The following METTL6 variants were observed in gnomAD, a reference collection of about 807,000 sequenced individuals.
METTL6 encodes methyltransferase 6, tRNA N3-cytidine, also known as tRNA N(3)-cytidine methyltransferase METTL6.
METTL6 carries 22 observed loss-of-function variants against 26.4 expected under a neutral mutation model. That is an observed-to-expected ratio of 0.83 (90% CI 0.59 to 1.19). The LOEUF (loss-of-function observed/expected upper bound fraction) is 1.19, where lower values mean the gene tolerates loss of function less well. Among genes scored for constraint, METTL6 ranks in the 50% most tolerant of loss-of-function variants. METTL6 has a pLI of 0.00. For missense variants in METTL6, 304 were observed against 324.8 expected (o/e 0.94, Z 0.49); for synonymous variants, 109 against 116.2 (o/e 0.94, Z 0.40).
At chr3:15,414,505 G>A (rs1008533773) in intron 4 of METTL6, 2 of 310,048 alleles carry the variant, frequency 6.5e-6, no homozygotes, top group Non-Finnish European at 1.1e-5. Context: ...ATAGGTGCCC[G>A]CCACCATGCC....
In METTL6 at chr3:15,415,880, A is replaced by G. The variant is rs1277223780; in HGVS notation, c.423T>C (p.Asp141=). The change falls in exon 4 of 6, where the codon GAT becomes GAC. Residue 141 remains aspartate, a synonymous_variant. Coordinates refer to ENST00000383790, the MANE Select transcript of METTL6 (RefSeq NM_152396.4). ...KVFQCDLTKD[D]LLDHVPPESV... ...ACTCTGGCGGTACATGATCCAGAAG[A>G]TCATCTTTAGTCAGATCACACTGGA... 1 of 1,614,182 alleles carries G rather than the reference A, an allele frequency of 6.2e-7. No homozygotes were observed. Among genetic ancestry groups the G allele is most frequent in the Admixed American group, 1.7e-5 (1 of 60,014 alleles).
In METTL6 at chr3:15,402,756, G is replaced by GAA. The variant is rs796595234; in HGVS notation, c.*11+8487_*11+8488dup. Among the ~76,000 whole-genome samples the GAA allele has an allele frequency of 4.0e-3, 524 of 131,148 alleles. 7 individuals are homozygous for GAA. The highest frequency in any genetic ancestry group is 0.014 in the African/African-American group (493 of 35,594). The allele number at this position is 131,148 out of a possible 152,430, so 86.0% of individuals were successfully genotyped here. ...ATCTCAAAAAAAAAAAAAAGAAAAA[G>GAA]AAAAAAAAAAAGAAATGCAAAAACC... On this transcript the variant is annotated intron_variant, in intron 6 of 6. Transcript: ENST00000443029.
chr3:15,426,405 T>C lies in METTL6; in HGVS notation c.107A>G (p.Lys36Arg). ...QTLVSDFKQQ[K>R]LEQEAQKNWD... ...ATTTTTCTGAGCCTCTTGTTCCAAT[T>C]TCTGCTGTTTAAAATCAGACACCAA... Residue 36 changes from lysine (K) to arginine (R), a missense_variant, in exon 2 of 6, where the codon AAA becomes AGA. Transcript: ENST00000383790. 6 of 1,614,252 alleles carry C rather than the reference T, an allele frequency of 3.7e-6. No individual in the cohort carries two copies. The highest frequency in any genetic ancestry group is 5.1e-6 in the Non-Finnish European group (6 of 1,180,044).
intron 6 of METTL6, among the ~76,000 whole-genome samples, chr3:15,389,772 C>T (rs1699293073): frequency 6.6e-6 from 1 of 151,456 alleles, no homozygotes; most frequent in South Asian, 2.1e-4. Flanking sequence ...TGGTCTCAAA[C>T]TCCCGACCTC....
In METTL6 at chr3:15,411,421, G is replaced by C. The variant is rs754469790; in HGVS notation, c.690C>G (p.Leu230=). The part of the protein sequence containing the change: ...YFFTDDFLAQ[L]FMDTGYEEVV... ...CTTCTTCATAACCTGTGTCCATAAA[G>C]AGCTGAGCCAGGAAGTCTGTAAGAC... Residue 230 remains leucine (L), a synonymous_variant, in exon 6 of 6, where the codon CTC becomes CTG. Coordinates refer to ENST00000383790, the MANE Select transcript of METTL6 (RefSeq NM_152396.4). The C allele has an allele frequency of 1.9e-6, 3 of 1,613,706 alleles. No individual in the cohort carries two copies. Among genetic ancestry groups the C allele is most frequent in the South Asian group, 1.1e-5 (1 of 91,048 alleles).
At chr3:15,408,032 T>C (rs1239563927), downstream of METTL6, among the ~76,000 whole-genome samples, 1 of 151,840 alleles carries the variant, frequency 6.6e-6, no homozygotes, top group African/African-American at 2.4e-5. Context: ...GATAAGATTA[T>C]TTTCCTGGCC....
chr3:15,392,951 T>C (rs944087404), intron 6 of METTL6, among the ~76,000 whole-genome samples: 1 of 151,880 alleles, frequency 6.6e-6, no homozygotes, highest in East Asian at 1.9e-4. Context: ...GCTTTGTTCT[T>C]TTGGCTTAGG....
chr3:15,413,169 T>C (rs538619155), intron 5 of METTL6, among the ~76,000 whole-genome samples: 1 of 152,282 alleles, frequency 6.6e-6, no homozygotes, highest in South Asian at 2.1e-4. Flanking sequence ...CACTTGAGCC[T>C]GGGTGGTGGG....
chr3:15,426,351 G>A lies in METTL6; in HGVS notation c.161C>T (p.Thr54Ile), dbSNP rs61734701. The change falls in exon 2 of 6, where the codon ACT (threonine) becomes ATT (isoleucine). Residue 54 changes from threonine (T) to isoleucine (I), a missense_variant. Physicochemically the swap from Thr to Ile is moderately conservative, Grantham distance 89. Coordinates refer to ENST00000383790, the MANE Select transcript of METTL6 (RefSeq NM_152396.4). The part of the protein sequence containing the change: ...NWDLFYKRNS[T>I]NFFKDRHWTT... ...CCAGTGTCTGTCTTTGAAGAAATTA[G>A]TGCTATTTCTTTTGTAAAAAAGATC... 192 of 1,614,170 alleles carry A rather than the reference G, an allele frequency of 1.2e-4. No homozygotes were observed. The African/African-American group carries it at 2.4e-3, about 20-fold the overall frequency.
chr3:15,414,708 G>T, intron 4 of METTL6: 3 of 352,242 alleles, frequency 8.5e-6, no homozygotes, highest in Non-Finnish European at 1.7e-5. Flanking sequence ...AGTGTCACAG[G>T]ATTAAAATGT....
intron 6 of METTL6, among the ~76,000 whole-genome samples, chr3:15,385,220 T>C (rs1237811497): frequency 6.6e-6 from 1 of 152,264 alleles, no homozygotes; most frequent in African/African-American, 2.4e-5. Flanking sequence ...TTCATGTTCC[T>C]GGAATTTGTG....
At chr3:15,405,330 A>G (rs1283224173), downstream of METTL6, among the ~76,000 whole-genome samples, 1 of 152,244 alleles carries the variant, frequency 6.6e-6, no homozygotes, top group Non-Finnish European at 1.5e-5. Context: ...TAGACTGAAC[A>G]TTAGGTAAAA....
At chr3:15,419,965 C>A (rs1453329778) in intron 3 of METTL6, among the ~76,000 whole-genome samples, 3 of 151,464 alleles carry the variant, frequency 2.0e-5, no homozygotes, top group African/African-American at 7.3e-5. Context: ...AGGTTCATGC[C>A]GTTCTCCTGC....
intron 6 of METTL6, among the ~76,000 whole-genome samples, chr3:15,393,523 C>T (rs984206238): frequency 2.0e-5 from 3 of 152,208 alleles, no homozygotes; most frequent in Non-Finnish European, 2.9e-5. Flanking sequence ...GCCAGAACTT[C>T]CAACACTATG....
rs117763843 is a variant in METTL6 at position 15,387,506 on chromosome 3, G to C, written c.*12-3319C>G. ...AGCTCCTATTCACTTTGGTTCAAAT[G>C]CCTCTGACAGTAGGGGCCAAGGGAA... On this transcript the variant is annotated intron_variant, in intron 6 of 6. Coordinates refer to the METTL6 transcript ENST00000443029. 2.6e-4 allele frequency among the ~76,000 whole-genome samples: 40 copies of C among 152,312 alleles called. No homozygotes were observed. In the East Asian group the frequency reaches 7.5e-3, roughly 29 times the overall value.
intron 3 of METTL6, among the ~76,000 whole-genome samples, chr3:15,420,659 G>A (rs1457262404): frequency 6.6e-6 from 1 of 152,096 alleles, no homozygotes; most frequent in Non-Finnish European, 1.5e-5. Flanking sequence ...TGTATATGAA[G>A]GACAAATGAG....
At chr3:15,393,369 T>C (rs891466523) in intron 6 of METTL6, among the ~76,000 whole-genome samples, 3 of 152,204 alleles carry the variant, frequency 2.0e-5, no homozygotes, top group African/African-American at 7.2e-5. Context: ...TTTGCTGAAG[T>C]TGCTTATGAG....
chr3:15,406,190 G>C, downstream of METTL6, among the ~76,000 whole-genome samples: 1 of 151,958 alleles, frequency 6.6e-6, no homozygotes, highest in East Asian at 1.9e-4. Flanking sequence ...TTTTCTGGCT[G>C]TGAAGACAAG....
intron 3 of METTL6, among the ~76,000 whole-genome samples, chr3:15,419,861 C>CTTT (rs1324825917): frequency 7.6e-6 from 1 of 132,350 alleles, no homozygotes; most frequent in Non-Finnish European, 1.6e-5. Context: ...AACTGTTTTT[C>CTTT]TTTTTTTTTT....
Sources: gnomAD v4.1 joint callset for allele counts (sites outside exome capture counted in the v4.1 genomes callset) on GRCh38, gnomAD v4.1.1 for gene constraint, MANE v1.5 for transcripts, NCBI Gene and HGNC (gene_info 2026-07-23, HGNC 2026-07-21) for gene names.